SMCO2: variants seen among roughly 807,000 people sequenced by gnomAD.
SMCO2 encodes the protein single-pass membrane protein with coiled-coil domains 2, also known as single-pass membrane and coiled-coil domain-containing protein 2.
In SMCO2, 25 loss-of-function variants were observed where a neutral mutation model predicts 29.5. The ratio of observed to expected loss-of-function variants is 0.85; its 90% CI spans 0.62 to 1.18. SMCO2 has a LOEUF of 1.18. SMCO2 is among the 50% of genes most tolerant of loss of function. The probability of loss-of-function intolerance (pLI) is 0.00; values close to 1 mark genes in which losing one functional copy is unlikely to be tolerated. For synonymous variants in SMCO2, 117 were observed against 123.3 expected, an observed-to-expected ratio of 0.95 and a Z score of 0.34; for missense variants, 348 against 344.5, an observed-to-expected ratio of 1.01 and a Z score of -0.08.
chr12:27,429,587 A>G, the SMCO2 span, among the ~76,000 whole-genome samples: 1 of 152,096 alleles, frequency 6.6e-6, no homozygotes, highest in Non-Finnish European at 1.5e-5. Flanking sequence ...TTCTAAGTAT[A>G]CTTTTATTGT....
At chr12:27,494,216 G>T (rs953682103) in intron 5 of SMCO2, 84 bp from the exon 7 acceptor site, 8 of 857,400 alleles carry the variant, frequency 9.3e-6, no homozygotes, top group Non-Finnish European at 1.3e-5. Context: ...ATTTTATAAG[G>T]TTTGTCAAAA....
At chr12:27,485,977 T>C (rs1317637534) in intron 4 of SMCO2, among the ~76,000 whole-genome samples, 2 of 152,230 alleles carry the variant, frequency 1.3e-5, no homozygotes, top group African/African-American at 4.8e-5. Flanking sequence ...AAAGCAGCCT[T>C]TAGTCTAGGA....
At chr12:27,452,537 T>G in the SMCO2 span, among the ~76,000 whole-genome samples, 3 of 152,228 alleles carry the variant, frequency 2.0e-5, no homozygotes, top group Non-Finnish European at 4.4e-5. Context: ...TTTCCCAGGC[T>G]GGAGTGCAGT....
the SMCO2 span, among the ~76,000 whole-genome samples, chr12:27,434,586 A>G: frequency 6.6e-6 from 1 of 152,206 alleles, no homozygotes; most frequent in Non-Finnish European, 1.5e-5. Context: ...GTTTCAGGAA[A>G]ACAAACCAAC....
intron 7 of SMCO2, among the ~76,000 whole-genome samples, chr12:27,501,541 C>T (rs142093202): frequency 2.7e-5 from 4 of 150,132 alleles, no homozygotes; most frequent in African/African-American, 7.5e-5. Flanking sequence ...CCCTTTATCA[C>T]GTTATACTTT....
At chr12:27,488,001 G>A (rs76202059) in intron 4 of SMCO2, among the ~76,000 whole-genome samples, 2,924 of 151,894 alleles carry the variant, frequency 0.019, 98 homozygotes, top group African/African-American at 0.067. Context: ...TGCCATATAT[G>A]TGCTAAGCAA....
At chr12:27,429,680 A>G in the SMCO2 span, among the ~76,000 whole-genome samples, 1 of 152,168 alleles carries the variant, frequency 6.6e-6, no homozygotes, top group Non-Finnish European at 1.5e-5. Flanking sequence ...AGCATTTAGG[A>G]TGTCGGAAAG....
At chr12:27,447,193 C>T in the SMCO2 span, among the ~76,000 whole-genome samples, 2 of 152,172 alleles carry the variant, frequency 1.3e-5, no homozygotes, top group Non-Finnish European at 2.9e-5. Context: ...TGATGGGTTT[C>T]CATTTACTTC....
intron 4 of SMCO2, among the ~76,000 whole-genome samples, chr12:27,483,232 T>C (rs1053848672): frequency 6.6e-6 from 1 of 152,150 alleles, no homozygotes; most frequent in Admixed American, 6.5e-5. Flanking sequence ...CCTCTATAGA[T>C]GATCAATAGA....
At chr12:27,423,780 T>C in the SMCO2 span, 1 of 152,188 alleles carries the variant, frequency 6.6e-6, no homozygotes. Context: ...CGTCCTCATT[T>C]TTAAAAGGAG....
the SMCO2 span, among the ~76,000 whole-genome samples, chr12:27,440,969 A>G: frequency 6.6e-6 from 1 of 152,184 alleles, no homozygotes; most frequent in Non-Finnish European, 1.5e-5. Context: ...ATTAAAAGGC[A>G]TAGAGTGGCT....
At chr12:27,480,745 C>T (rs549329724) in intron 4 of SMCO2, among the ~76,000 whole-genome samples, 19 of 152,236 alleles carry the variant, frequency 1.2e-4, no homozygotes, top group African/African-American at 4.1e-4. Context: ...CCATGTGATA[C>T]GCTGGCTACC....
chr12:27,458,378 G>A, the SMCO2 span, among the ~76,000 whole-genome samples: 6 of 152,082 alleles, frequency 3.9e-5, no homozygotes, highest in African/African-American at 7.2e-5. Flanking sequence ...TCAAAGGCCC[G>A]AAGGGACTGA....
rs760133153 is a variant in SMCO2, at chr12:27,495,633, A to AGACATT, written c.508-46_508-41dup. On this transcript the variant is annotated intron_variant, in intron 6 of 7. Transcript: ENST00000298876. Reference sequence around the variant, plus strand: ...CAGCATTATCTATAGTAAGACTTGGAGACATTTAGAATTTTTTTAAGGTAC... The same window carrying AGACATT: ...CAGCATTATCTATAGTAAGACTTGGAGACATTGACATTTAGAATTTTTTTAAGGTAC... The AGACATT allele has an allele frequency of 7.4e-5, 104 of 1,413,074 alleles. 2 individuals carry two copies. Among genetic ancestry groups the AGACATT allele is most frequent in the Non-Finnish European group, 2.8e-6 (3 of 1,062,516 alleles). The allele number at this position is 1,413,074 out of a possible 1,614,324, so 87.5% of individuals were successfully genotyped here.
At chr12:27,462,876 C>G (rs16931984), upstream of SMCO2, among the ~76,000 whole-genome samples, 9,942 of 152,270 alleles carry the variant, frequency 0.065, 389 homozygotes, top group East Asian at 0.12. Flanking sequence ...GGGCCCTCGG[C>G]GAAGCCTTTT....
intron 5 of SMCO2, among the ~76,000 whole-genome samples, chr12:27,490,608 T>A (rs1363657032): frequency 6.6e-6 from 1 of 152,084 alleles, no homozygotes; most frequent in Non-Finnish European, 1.5e-5. Flanking sequence ...AAAACAAATG[T>A]GGTAATATAT....
intron 7 of SMCO2, chr12:27,498,018 G>C (rs1943032557): frequency 3.5e-6 from 1 of 288,086 alleles, no homozygotes; most frequent in South Asian, 4.8e-5. Context: ...CTGGAATAAG[G>C]ACTAAAGTGA....
the SMCO2 span, chr12:27,423,683 G>A: frequency 6.6e-6 from 1 of 152,314 alleles, no homozygotes; most frequent in Non-Finnish European, 1.5e-5. Flanking sequence ...GTAGTGGAGT[G>A]GGAAGAGTGC....
At chr12:27,458,759 C>T in the SMCO2 span, among the ~76,000 whole-genome samples, 5 of 151,764 alleles carry the variant, frequency 3.3e-5, no homozygotes, top group Non-Finnish European at 5.9e-5. Flanking sequence ...TGGTGGCAGG[C>T]GCCTGTAGTA....
Sources: allele counts gnomAD v4.1 joint callset (sites outside exome capture counted in the v4.1 genomes callset), GRCh38; gene constraint gnomAD v4.1.1; transcripts MANE v1.5; gene names NCBI Gene and HGNC (gene_info 2026-07-23, HGNC 2026-07-21).